REPS2: variants seen among roughly 807,000 people sequenced by gnomAD.
REPS2 encodes the protein RALBP1 associated Eps domain containing 2.
REPS2 carries 23 observed loss-of-function variants against 53.6 expected under a neutral mutation model. The observed-to-expected ratio is 0.43, with a 90% CI of 0.31 to 0.61. The LOEUF (loss-of-function observed/expected upper bound fraction) is 0.61. REPS2 is among the 20% of genes least tolerant of loss of function. The probability of loss-of-function intolerance (pLI) is 0.11; values close to 1 mark genes in which losing one functional copy is unlikely to be tolerated. For synonymous variants in REPS2, 238 were observed against 218.6 expected (o/e 1.09, Z -0.78); for missense variants, 446 against 534.9 (o/e 0.83, Z 1.64).
At chrX:16,999,774 C>T (rs1034525452) in intron 1 of REPS2, among the ~76,000 whole-genome samples, 13 of 109,725 alleles carry the variant, frequency 1.2e-4, no homozygotes, top group South Asian at 3.9e-4. Flanking sequence ...TGGCCGGGCA[C>T]GGTGGCTCAC....
At chrX:17,021,052 A>G in intron 2 of REPS2, among the ~76,000 whole-genome samples, 1 of 112,383 alleles carries the variant, frequency 8.9e-6, no homozygotes, top group Middle Eastern at 4.6e-3. Flanking sequence ...TGCTGTTGCT[A>G]AGATGTTTTC....
chrX:16,967,737 TTTTC>T (rs1299867204), intron 1 of REPS2, among the ~76,000 whole-genome samples: 1 of 111,523 alleles, frequency 9.0e-6, no homozygotes, highest in Non-Finnish European at 1.9e-5. Flanking sequence ...TGCAATATAT[TTTTC>T]TTTCTTCCAC....
downstream of REPS2, among the ~76,000 whole-genome samples, chrX:17,154,552 A>T (rs770217364): frequency 6.3e-4 from 71 of 112,354 alleles, no homozygotes; most frequent in Non-Finnish European, 1.2e-3. Flanking sequence ...TCCAGGGTGG[A>T]TGCTTACAGT....
chrX:17,095,328 G>C (rs1392375105), intron 13 of REPS2, among the ~76,000 whole-genome samples: 2 of 111,788 alleles, frequency 1.8e-5, no homozygotes, highest in Non-Finnish European at 3.8e-5. Flanking sequence ...AGGGAAGAAG[G>C]CTGGAAGAAT....
At chrX:17,066,183 G>A (rs754434484) in intron 9 of REPS2, among the ~76,000 whole-genome samples, 3 of 111,970 alleles carry the variant, frequency 2.7e-5, no homozygotes, top group South Asian at 7.5e-4. Context: ...TAGATTTGTA[G>A]TAAGTTTTGA....
chrX:17,176,422 G>A, the REPS2 span, among the ~76,000 whole-genome samples: 1 of 111,929 alleles, frequency 8.9e-6, no homozygotes, highest in Non-Finnish European at 1.9e-5. Context: ...ATTCCAGCCT[G>A]ACCCTAGTGG....
At chrX:17,189,395 C>A in the REPS2 span, among the ~76,000 whole-genome samples, 23 of 109,382 alleles carry the variant, frequency 2.1e-4, no homozygotes, top group African/African-American at 7.7e-4. Context: ...AAGCAATTCT[C>A]TTGCCTCAGC....
chrX:17,120,124 C>T lies in REPS2; in HGVS notation c.1579-13700C>T, dbSNP rs779857396. 4.5e-5 allele frequency among the ~76,000 whole-genome samples: 5 copies of T among 111,590 alleles called. No individual in the cohort carries two copies. In the East Asian group the frequency reaches 1.4e-3, roughly 31 times the overall value. On this transcript the variant is annotated intron_variant, in intron 14 of 17. Transcript: ENST00000357277. The stretch of plus-strand genomic sequence containing the variant: ...ACTCCTGACCTTGTGATCCACCTGC[C>T]TTGGCCTCCCAAAGTGTTGGGATTA...
At chrX:17,136,346 A>G (rs1049432475) in intron 16 of REPS2, 1 of 111,615 alleles carries the variant, frequency 9.0e-6, no homozygotes, top group African/African-American at 3.3e-5. Context: ...CTTTTTTTCA[A>G]ATGGACAGGT....
intron 12 of REPS2, chrX:17,074,448 G>A (rs2062352307): frequency 4.2e-6 from 1 of 240,169 alleles, no homozygotes. Context: ...AACTTATAGG[G>A]GGAAGTAGCT....
chrX:17,015,586 G>T (rs1031571386), intron 2 of REPS2, among the ~76,000 whole-genome samples: 2 of 92,873 alleles, frequency 2.2e-5, no homozygotes, highest in African/African-American at 7.9e-5. Flanking sequence ...AACAGTCCCC[G>T]GTGTGTGATG....
chrX:17,169,890 A>AGGGCTTAG, the REPS2 span, among the ~76,000 whole-genome samples: 1 of 111,149 alleles, frequency 9.0e-6, no homozygotes, highest in Non-Finnish European at 1.9e-5. Context: ...TGAGATGACT[A>AGGGCTTAG]GGGCTTAGGT....
At chrX:17,025,290 C>T (rs1052296030) in intron 4 of REPS2, 105 bp downstream of exon 4, 62 of 854,934 alleles carry the variant, frequency 7.3e-5, no homozygotes, top group Middle Eastern at 3.0e-4. Flanking sequence ...ATTTAATTAC[C>T]CCTGTCTTTG....
intron 17 of REPS2, among the ~76,000 whole-genome samples, 169 bp downstream of exon 17, chrX:17,139,130 A>G (rs964895933): frequency 1.8e-5 from 2 of 112,074 alleles, no homozygotes; most frequent in Non-Finnish European, 3.8e-5. Flanking sequence ...TTGGCTGACC[A>G]TTTAGTTCCA....
intron 5 of REPS2, among the ~76,000 whole-genome samples, chrX:17,039,214 A>T (rs2061801685): frequency 8.9e-6 from 1 of 112,072 alleles, no homozygotes; most frequent in African/African-American, 3.2e-5. Context: ...TTCTCCTCTA[A>T]GCAGAGCACA....
In REPS2 at chrX:17,077,424, C is replaced by T; in HGVS notation, c.1516+17C>T. On this transcript the variant is annotated intron_variant, in intron 13 of 17. Coordinates refer to ENST00000357277, the MANE Select transcript of REPS2 (RefSeq NM_004726.3). The stretch of plus-strand genomic sequence containing the variant: ...GTGTGCCAGGTGAAGTGCCCCTTGC[C>T]CCCTGAGCCCTTCCATTTCCTGTTG... The T allele has an allele frequency of 8.6e-7, 1 of 1,167,670 alleles. No individual in the cohort carries two copies. Among genetic ancestry groups the T allele is most frequent in the East Asian group, 3.1e-5 (1 of 32,622 alleles).
chrX:17,071,204 C>T (rs1024935798), intron 11 of REPS2, among the ~76,000 whole-genome samples: 7 of 112,283 alleles, frequency 6.2e-5, no homozygotes, highest in African/African-American at 2.3e-4. Flanking sequence ...TGTAGGCCAA[C>T]GCCTGGGGTC....
At chrX:17,022,958 A>T (rs1243961467) in intron 3 of REPS2, among the ~76,000 whole-genome samples, 1 of 112,314 alleles carries the variant, frequency 8.9e-6, no homozygotes, top group Non-Finnish European at 1.9e-5. Context: ...TGGTGGAGAC[A>T]ACAGTATAAA....
chrX:17,069,092 A>G (rs1602907295), intron 10 of REPS2, among the ~76,000 whole-genome samples: 1 of 112,009 alleles, frequency 8.9e-6, no homozygotes, highest in East Asian at 2.8e-4. Flanking sequence ...AGTGCTTTAT[A>G]ATCTACCAGG....
Sources: allele counts gnomAD v4.1 joint callset (sites outside exome capture counted in the v4.1 genomes callset), GRCh38; gene constraint gnomAD v4.1.1; transcripts MANE v1.5; gene names NCBI Gene and HGNC (gene_info 2026-07-23, HGNC 2026-07-21).